The following SCHIP1 variants were observed in gnomAD, a reference collection of about 807,000 sequenced individuals.
SCHIP1 encodes the protein schwannomin interacting protein 1, also known as schwannomin-interacting protein 1.
Under a neutral mutation model 29.7 loss-of-function variants are expected in SCHIP1, and 8 were observed. That is an observed-to-expected ratio of 0.27 (90% CI 0.16 to 0.49). The LOEUF (loss-of-function observed/expected upper bound fraction) is 0.49, where lower values mean the gene tolerates loss of function less well. Among genes scored for constraint, SCHIP1 ranks in the 20% least tolerant of loss-of-function variants. The pLI is 0.99. For synonymous variants in SCHIP1, 76 were observed against 94.9 expected (o/e 0.80, Z 1.16); for missense variants, 193 against 294.6 (o/e 0.66, Z 2.52).
At chr3:159,348,500 A>G in the SCHIP1 span, among the ~76,000 whole-genome samples, 1 of 152,122 alleles carries the variant, frequency 6.6e-6, no homozygotes, top group African/African-American at 2.4e-5. Flanking sequence ...TACTTTTTAT[A>G]TTAGTTTACT....
chr3:159,718,218 G>C, the SCHIP1 span, among the ~76,000 whole-genome samples: 2 of 152,188 alleles, frequency 1.3e-5, no homozygotes, highest in East Asian at 3.8e-4. Flanking sequence ...ATTAGGTATT[G>C]ATGGGATGTA....
chr3:159,491,657 T>A, the SCHIP1 span, among the ~76,000 whole-genome samples: 1 of 152,278 alleles, frequency 6.6e-6, no homozygotes, highest in South Asian at 2.1e-4. Flanking sequence ...CCTGCCTGCC[T>A]CTATAGGCTC....
the SCHIP1 span, among the ~76,000 whole-genome samples, chr3:159,497,550 C>T: frequency 6.6e-6 from 1 of 151,822 alleles, no homozygotes; most frequent in Non-Finnish European, 1.5e-5. Flanking sequence ...CCAGTGTCAC[C>T]ACATGGCAGA....
chr3:159,439,627 A>G, the SCHIP1 span, among the ~76,000 whole-genome samples: 7 of 152,170 alleles, frequency 4.6e-5, no homozygotes, highest in African/African-American at 1.7e-4. Flanking sequence ...CATTACTCTA[A>G]TGATCAGTGA....
At chr3:159,523,257 T>C in the SCHIP1 span, among the ~76,000 whole-genome samples, 29 of 152,244 alleles carry the variant, frequency 1.9e-4, no homozygotes, top group South Asian at 4.1e-4. Context: ...ATCCTGTTAG[T>C]GTTCAAACTT....
the SCHIP1 span, among the ~76,000 whole-genome samples, chr3:159,381,969 T>C: frequency 2.0e-5 from 3 of 152,090 alleles, no homozygotes; most frequent in African/African-American, 7.2e-5. Flanking sequence ...CACTATAGCG[T>C]GGGAAAAAGA....
At chr3:159,760,779 C>T in the SCHIP1 span, among the ~76,000 whole-genome samples, 1 of 152,106 alleles carries the variant, frequency 6.6e-6, no homozygotes, top group Non-Finnish European at 1.5e-5. Flanking sequence ...TACATGAATT[C>T]GAATATGATT....
chr3:159,498,738 C>A, the SCHIP1 span, among the ~76,000 whole-genome samples: 2 of 151,840 alleles, frequency 1.3e-5, no homozygotes, highest in African/African-American at 4.8e-5. Flanking sequence ...TTTATGATAG[C>A]AACCACTAGA....
the SCHIP1 span, among the ~76,000 whole-genome samples, chr3:159,807,184 A>G: frequency 6.6e-6 from 1 of 152,224 alleles, no homozygotes; most frequent in Non-Finnish European, 1.5e-5. Context: ...GAGACTTTTA[A>G]AAGCTACTAA....
chr3:159,551,570 A>G, the SCHIP1 span, among the ~76,000 whole-genome samples: 1 of 152,208 alleles, frequency 6.6e-6, no homozygotes, highest in African/African-American at 2.4e-5. Context: ...TTGAAATAAT[A>G]ATGAACTGTA....
the SCHIP1 span, among the ~76,000 whole-genome samples, chr3:159,667,262 G>A: frequency 6.6e-6 from 1 of 152,256 alleles, no homozygotes; most frequent in African/African-American, 2.4e-5. Flanking sequence ...AGCCTTTTGG[G>A]GGAATCCTGA....
At chr3:159,868,126 A>G (rs1272400329) in intron 2 of SCHIP1, among the ~76,000 whole-genome samples, 3 of 150,672 alleles carry the variant, frequency 2.0e-5, no homozygotes, top group African/African-American at 7.3e-5. Context: ...TATGTAACAT[A>G]CCTATATATA....
chr3:159,858,710 G>A (rs982453344), intron 1 of SCHIP1, among the ~76,000 whole-genome samples: 1 of 152,092 alleles, frequency 6.6e-6, no homozygotes, highest in Non-Finnish European at 1.5e-5. Context: ...AAGTAAAATA[G>A]GTGTCAGAAG....
chr3:159,334,745 A>G, the SCHIP1 span, among the ~76,000 whole-genome samples: 2 of 152,166 alleles, frequency 1.3e-5, no homozygotes, highest in African/African-American at 4.8e-5. Flanking sequence ...GTCGTATTCC[A>G]TCGTATGGTT....
chr3:159,368,431 T>A, the SCHIP1 span, among the ~76,000 whole-genome samples: 3 of 152,196 alleles, frequency 2.0e-5, no homozygotes, highest in Non-Finnish European at 2.9e-5. Flanking sequence ...TTTTATAGAA[T>A]TAAACTGCAG....
the SCHIP1 span, among the ~76,000 whole-genome samples, chr3:159,597,292 T>C: frequency 1.3e-5 from 2 of 152,214 alleles, no homozygotes; most frequent in Non-Finnish European, 2.9e-5. Flanking sequence ...TAATGATAAA[T>C]TGAGGCTATT....
At chr3:159,680,361 T>C in the SCHIP1 span, among the ~76,000 whole-genome samples, 2 of 149,434 alleles carry the variant, frequency 1.3e-5, no homozygotes, top group Admixed American at 6.8e-5. Flanking sequence ...ATACAAAAAT[T>C]AGCTGGGTGT....
chr3:159,378,120 A>G, the SCHIP1 span, among the ~76,000 whole-genome samples: 1 of 152,244 alleles, frequency 6.6e-6, no homozygotes, highest in East Asian at 1.9e-4. Flanking sequence ...AGGTGACTTC[A>G]GGCTGAAAAA....
chr3:159,505,517 C>G, the SCHIP1 span, among the ~76,000 whole-genome samples: 3 of 152,148 alleles, frequency 2.0e-5, no homozygotes, highest in Admixed American at 2.0e-4. Context: ...TACACGTGCA[C>G]AACGTGCAGG....
Sources: allele counts gnomAD v4.1 joint callset (sites outside exome capture counted in the v4.1 genomes callset), GRCh38; gene constraint gnomAD v4.1.1; transcripts MANE v1.5; gene names NCBI Gene and HGNC (gene_info 2026-07-23, HGNC 2026-07-21).